THSD7B: variants seen among roughly 807,000 people sequenced by gnomAD.
THSD7B encodes thrombospondin type-1 domain-containing protein 7B.
Under a neutral mutation model 213.6 loss-of-function variants are expected in THSD7B, and 138 were observed. The observed-to-expected ratio is 0.65, with a 90% CI of 0.56 to 0.74. THSD7B has a LOEUF of 0.74. THSD7B is among the 30% of genes least tolerant of loss of function. The probability of loss-of-function intolerance (pLI) is 0.00; values close to 1 mark genes in which losing one functional copy is unlikely to be tolerated. For missense variants in THSD7B, 1,931 were observed against 1,991.5 expected (o/e 0.97, Z 0.58); for synonymous variants, 742 against 687.0 (o/e 1.08, Z -1.25).
At chr2:137,300,022 T>C (rs1017724641) in intron 12 of THSD7B, among the ~76,000 whole-genome samples, 3 of 152,154 alleles carry the variant, frequency 2.0e-5, no homozygotes, top group African/African-American at 7.2e-5. Context: ...TTGATGAAAA[T>C]ATTTTGTCTA....
At chr2:136,771,174 A>G (rs997092005) in intron 1 of THSD7B, among the ~76,000 whole-genome samples, 5 of 152,082 alleles carry the variant, frequency 3.3e-5, no homozygotes, top group Admixed American at 1.3e-4. Flanking sequence ...TTTATTTCAT[A>G]TTGACTTCCA....
At chr2:137,405,477 G>A (rs1177034235) in intron 12 of THSD7B, 136 bp from the exon 13 acceptor site, 2 of 620,336 alleles carry the variant, frequency 3.2e-6, no homozygotes, top group Non-Finnish European at 5.2e-6. Flanking sequence ...AATAAGGTTA[G>A]CTATGTTGAA....
intron 12 of THSD7B, among the ~76,000 whole-genome samples, chr2:137,298,872 G>A (rs890457973): frequency 1.1e-4 from 16 of 152,304 alleles, no homozygotes; most frequent in Non-Finnish European, 2.1e-4. Flanking sequence ...CAGGGGCGGG[G>A]CCCTCATGGA....
rs1184826879 is a variant in THSD7B, at chr2:137,407,246, A to G, written c.2695+1439A>G. 2.0e-5 allele frequency among the ~76,000 whole-genome samples: 3 copies of G among 152,118 alleles called. No individual in the cohort carries two copies. In the East Asian group the frequency reaches 5.8e-4, roughly 29 times the overall value. The stretch of plus-strand genomic sequence containing the variant: ...GACTTTTATTGAAAATGTTCCTTTT[A>G]TATAAATATTGAAGAATAGCTGTAC... On this transcript the variant is annotated intron_variant, in intron 13 of 27. Transcript: ENST00000409968.
chr2:136,988,394 C>T (rs915830907), intron 2 of THSD7B, among the ~76,000 whole-genome samples: 1 of 152,178 alleles, frequency 6.6e-6, no homozygotes, highest in Non-Finnish European at 1.5e-5. Flanking sequence ...GAAATAATAC[C>T]TAATTTGAAT....
intron 10 of THSD7B, among the ~76,000 whole-genome samples, chr2:137,253,372 A>T (rs1016074382): frequency 4.9e-4 from 74 of 152,326 alleles, no homozygotes; most frequent in African/African-American, 1.6e-3. Context: ...GTCTTAGTTT[A>T]TATCTAATAG....
chr2:137,654,083 G>A (rs1381717361), intron 21 of THSD7B, among the ~76,000 whole-genome samples: 2 of 151,982 alleles, frequency 1.3e-5, no homozygotes, highest in East Asian at 1.9e-4. Context: ...GTAATTCTTC[G>A]TAATTTAACT....
chr2:136,994,305 G>A (rs1685840062), intron 2 of THSD7B, among the ~76,000 whole-genome samples: 1 of 152,186 alleles, frequency 6.6e-6, no homozygotes, highest in Non-Finnish European at 1.5e-5. Context: ...GGTGGCTCAC[G>A]CCTGTAATCC....
Position 137,010,527 on chromosome 2 carries a change from G to A in THSD7B, c.140-45893G>A, listed in dbSNP as rs529002267. Among the ~76,000 whole-genome samples the A allele has an allele frequency of 2.0e-4, 30 of 152,238 alleles. No individual in the cohort carries two copies. The South Asian group carries it at 2.9e-3, about 15-fold the overall frequency. On this transcript the variant is annotated intron_variant, in intron 2 of 27. Coordinates refer to ENST00000409968, the MANE Select transcript of THSD7B (RefSeq NM_001316349.2). ...CTTATCACACTTGGTTGTAGTTATC[G>A]TTTCCATTTTCCTGCCTCTCAGGCT... is the stretch of plus-strand genomic sequence containing the variant.
At chr2:137,660,369 C>T (rs1683319833) in intron 25 of THSD7B, among the ~76,000 whole-genome samples, 1 of 150,382 alleles carries the variant, frequency 6.6e-6, no homozygotes, top group Admixed American at 6.6e-5. Flanking sequence ...AAAAACTATA[C>T]TACATTTTTT....
At chr2:136,877,226 A>G (rs1683539354) in intron 1 of THSD7B, among the ~76,000 whole-genome samples, 1 of 152,250 alleles carries the variant, frequency 6.6e-6, no homozygotes, top group South Asian at 2.1e-4. Flanking sequence ...ACACAAAAAT[A>G]CCATGTAAGC....
At chr2:136,986,199 G>A (rs1172639625) in intron 2 of THSD7B, among the ~76,000 whole-genome samples, 2 of 152,074 alleles carry the variant, frequency 1.3e-5, no homozygotes, top group Non-Finnish European at 2.9e-5. Context: ...ATTAGGGGGG[G>A]ACTATTACTA....
intron 2 of THSD7B, among the ~76,000 whole-genome samples, chr2:137,023,856 A>C (rs2104845632): frequency 6.6e-6 from 1 of 152,180 alleles, no homozygotes; most frequent in Non-Finnish European, 1.5e-5. Flanking sequence ...AGAGATTGGA[A>C]ATAGGAAAAC....
At chr2:136,812,220 A>G (rs1323011952) in intron 1 of THSD7B, among the ~76,000 whole-genome samples, 2 of 152,164 alleles carry the variant, frequency 1.3e-5, no homozygotes, top group Non-Finnish European at 2.9e-5. Context: ...ACACTTAGTG[A>G]TTTCTGCCTA....
chr2:136,887,300 T>TTGTGTGTGTGTGTGTGTG (rs3084772), intron 2 of THSD7B, among the ~76,000 whole-genome samples: 11 of 148,462 alleles, frequency 7.4e-5, no homozygotes, highest in African/African-American at 2.2e-4. Flanking sequence ...TCCATATTTG[T>TTGTGTGTGTGTGTGTGTG]TGTGTGTGTG....
intron 7 of THSD7B, among the ~76,000 whole-genome samples, chr2:137,184,214 G>A (rs1294881166): frequency 2.0e-5 from 3 of 152,160 alleles, no homozygotes; most frequent in African/African-American, 7.2e-5. Context: ...GTGAAACGCA[G>A]AGGAGGGAAA....
intron 1 of THSD7B, among the ~76,000 whole-genome samples, chr2:136,770,938 A>C (rs887593743): frequency 6.6e-6 from 1 of 152,086 alleles, no homozygotes; most frequent in Non-Finnish European, 1.5e-5. Flanking sequence ...TTTCTTAGAA[A>C]ATATAAAATA....
chr2:137,175,357 C>A (rs142119380), intron 7 of THSD7B, among the ~76,000 whole-genome samples: 2 of 152,260 alleles, frequency 1.3e-5, no homozygotes, highest in Admixed American at 1.3e-4. Flanking sequence ...AAGGCAAATG[C>A]CCACACTACT....
At chr2:137,079,885 G>A (rs1221211146) in intron 3 of THSD7B, among the ~76,000 whole-genome samples, 2 of 152,108 alleles carry the variant, frequency 1.3e-5, no homozygotes, top group African/African-American at 2.4e-5. Flanking sequence ...TGTCACCCAG[G>A]TTGGAGTGCA....
Sources: gnomAD v4.1 joint callset for allele counts (sites outside exome capture counted in the v4.1 genomes callset) on GRCh38, gnomAD v4.1.1 for gene constraint, MANE v1.5 for transcripts, NCBI Gene and HGNC (gene_info 2026-07-23, HGNC 2026-07-21) for gene names.